The following NPR3 variants were observed in gnomAD, a reference collection of about 807,000 sequenced individuals.
The protein encoded by NPR3 is natriuretic peptide receptor 3.
Under a neutral mutation model 54.5 loss-of-function variants are expected in NPR3, and 34 were observed. The ratio of observed to expected loss-of-function variants is 0.62; its 90% CI spans 0.47 to 0.83. The LOEUF (loss-of-function observed/expected upper bound fraction) is 0.83. NPR3 is among the 40% of genes least tolerant of loss of function. The probability of loss-of-function intolerance (pLI) is 0.00; values close to 1 mark genes in which losing one functional copy is unlikely to be tolerated. For missense variants in NPR3, 674 were observed against 720.8 expected, an observed-to-expected ratio of 0.94 and a Z score of 0.74; for synonymous variants, 289 against 297.1, an observed-to-expected ratio of 0.97 and a Z score of 0.28.
chr5:32,768,416 T>C (rs551511499), intron 3 of NPR3, among the ~76,000 whole-genome samples: 17 of 152,366 alleles, frequency 1.1e-4, no homozygotes, highest in African/African-American at 4.1e-4. Flanking sequence ...CCATATTCCC[T>C]GCATGAGCCT....
intron 3 of NPR3, among the ~76,000 whole-genome samples, chr5:32,772,869 G>A (rs1374947478): frequency 6.6e-6 from 1 of 152,144 alleles, no homozygotes; most frequent in African/African-American, 2.4e-5. Flanking sequence ...CAACTAGGAA[G>A]TGGCAGAACT....
At chr5:32,781,513 G>A (rs902670024) in intron 5 of NPR3, among the ~76,000 whole-genome samples, 23 of 152,320 alleles carry the variant, frequency 1.5e-4, no homozygotes, top group African/African-American at 5.3e-4. Flanking sequence ...TGGCATATGG[G>A]ACTTGCTGTT....
chr5:32,737,696 C>G lies in NPR3; in HGVS notation c.893-1168C>G, dbSNP rs987874741. 1.2e-4 allele frequency among the ~76,000 whole-genome samples: 19 copies of G among 152,198 alleles called. 1 individual carries two copies. Among genetic ancestry groups the G allele is most frequent in the African/African-American group, 4.1e-4 (17 of 41,520 alleles). ...ACCTTGCCTTTTGGGGCCCTGTAAG[C>G]CACGTTTTCTTGAAAATAAAATAAC... On this transcript the variant is annotated intron_variant, in intron 2 of 7. Coordinates refer to ENST00000265074, the MANE Select transcript of NPR3 (RefSeq NM_001204375.2).
intron 3 of NPR3, among the ~76,000 whole-genome samples, chr5:32,748,908 C>T (rs1561107211): frequency 6.6e-6 from 1 of 152,144 alleles, no homozygotes; most frequent in Non-Finnish European, 1.5e-5. Flanking sequence ...TTTTCCAACT[C>T]TTCTTTTTTC....
intron 1 of NPR3, among the ~76,000 whole-genome samples, chr5:32,724,386 T>G (rs923423723): frequency 6.6e-6 from 1 of 152,084 alleles, no homozygotes; most frequent in Non-Finnish European, 1.5e-5. Flanking sequence ...ATCCCCCAAG[T>G]TGGGTTTGTG....
chr5:32,732,104 G>A (rs186926386), intron 2 of NPR3, among the ~76,000 whole-genome samples: 2,029 of 151,906 alleles, frequency 0.013, 43 homozygotes, highest in African/African-American at 0.045. Context: ...AGCCGGGCAC[G>A]GTGGCGGGCG....
At chr5:32,765,451 C>T (rs1167862500) in intron 3 of NPR3, among the ~76,000 whole-genome samples, 4 of 152,132 alleles carry the variant, frequency 2.6e-5, no homozygotes, top group Non-Finnish European at 5.9e-5. Context: ...GGGATGATGG[C>T]ATGCTATGGG....
At position 32,791,158 on chromosome 5, in the gene NPR3, T is replaced by G. The variant is rs1742888485; in HGVS notation, c.*4813T>G. ...CCAAGATCTGAAAATCTTCAACATC[T>G]TATAAGACAACAATGAAGTAGCCCC... On this transcript the variant is annotated 3_prime_UTR_variant, in exon 8 of 8. Coordinates refer to ENST00000265074, the MANE Select transcript of NPR3 (RefSeq NM_001204375.2). The G allele has an allele frequency of 6.0e-6, 1 of 167,106 alleles. No individual in the cohort carries two copies. The highest frequency in any genetic ancestry group is 1.5e-5 in the Non-Finnish European group (1 of 68,122). The allele number at this position is 167,106 out of a possible 1,614,324, so 10.4% of individuals were successfully genotyped here.
At position 32,712,477 on chromosome 5, in the gene NPR3, A is replaced by G. The variant is rs984872719; in HGVS notation, c.701A>G (p.Tyr234Cys). 2 of 1,587,894 alleles carry G rather than the reference A, an allele frequency of 1.3e-6. No individual in the cohort carries two copies. The highest frequency in any genetic ancestry group is 2.3e-5 in the South Asian group (2 of 87,726). Residue 234 changes from tyrosine (Y) to cysteine (C), a missense_variant, in exon 1 of 8, where the codon TAC becomes TGC. Coordinates refer to ENST00000265074, the MANE Select transcript of NPR3 (RefSeq NM_001204375.2). ...GAGGAGGGTTTGCACACGTCCATCT[A>G]CAGTTTCGACGAGACCAAAGACTTG... The part of the protein sequence containing the change: ...FQEEGLHTSI[Y>C]SFDETKDLDL...
chr5:32,726,005 A>T (rs779791369), intron 2 of NPR3, among the ~76,000 whole-genome samples: 94 of 152,290 alleles, frequency 6.2e-4, no homozygotes, highest in Non-Finnish European at 5.7e-4. Flanking sequence ...GATAACAGGT[A>T]CAAGACATTT....
chr5:32,696,229 T>C (rs1740529516), intron 1 of NPR3, among the ~76,000 whole-genome samples: 4 of 152,208 alleles, frequency 2.6e-5, no homozygotes, highest in Admixed American at 2.6e-4. Context: ...TATCCAGTTT[T>C]CCCAGCACCA....
chr5:32,711,836 G>A lies in NPR3; in HGVS notation c.60G>A (p.Leu20=), dbSNP rs1419704914. The change falls in exon 1 of 8, where the codon CTG becomes CTA. Residue 20 remains leucine (L), a synonymous_variant. Transcript: ENST00000265074. ...GCGTACTACTCGGCTGGGCGTTGCT[G>A]GCCGGCGGCACCGGTGGCGGTGGCG... ...SPCVLLGWAL[L]AGGTGGGGVG... is the part of the protein sequence containing the mutation. 6.8e-7 allele frequency: 1 copy of A among 1,460,698 alleles called. No individual in the cohort carries two copies. The highest frequency in any genetic ancestry group is 1.5e-5 in the South Asian group (1 of 68,024). 90.5% of individuals were successfully genotyped at this position (1,460,698 alleles called of 1,614,324 possible).
intron 2 of NPR3, among the ~76,000 whole-genome samples, chr5:32,735,310 T>G (rs1739671274): frequency 6.6e-6 from 1 of 152,126 alleles, no homozygotes; most frequent in Admixed American, 6.5e-5. Flanking sequence ...CTCTTTGGCG[T>G]CATCTGTGAC....
chr5:32,692,875 C>T (rs1740428474), intron 1 of NPR3, among the ~76,000 whole-genome samples: 1 of 152,148 alleles, frequency 6.6e-6, no homozygotes, highest in South Asian at 2.1e-4. Context: ...AATCCTAGCA[C>T]TTTGGAAGGC....
At chr5:32,726,184 C>T (rs1739128413) in intron 2 of NPR3, among the ~76,000 whole-genome samples, 1 of 152,196 alleles carries the variant, frequency 6.6e-6, no homozygotes, top group South Asian at 2.1e-4. Context: ...CCAGTTCTTG[C>T]TGATGAGATA....
intron 3 of NPR3, among the ~76,000 whole-genome samples, chr5:32,773,811 C>T (rs1217276057): frequency 6.6e-6 from 1 of 152,182 alleles, no homozygotes; most frequent in African/African-American, 2.4e-5. Flanking sequence ...TTGATATGTG[C>T]CAGGCATGAT....
intron 3 of NPR3, among the ~76,000 whole-genome samples, chr5:32,755,006 G>T (rs907057584): frequency 1.3e-5 from 2 of 152,080 alleles, no homozygotes; most frequent in African/African-American, 2.4e-5. Context: ...GACTACAGGC[G>T]CCCGCCACCA....
At chr5:32,747,912 C>G (rs540363367) in intron 3 of NPR3, among the ~76,000 whole-genome samples, 142 of 152,070 alleles carry the variant, frequency 9.3e-4, no homozygotes, top group Admixed American at 2.4e-3. Flanking sequence ...TGCTTCCATG[C>G]CCAGCTTATT....
chr5:32,692,504 C>T (rs1740418529), intron 1 of NPR3, among the ~76,000 whole-genome samples: 2 of 152,190 alleles, frequency 1.3e-5, no homozygotes, highest in Non-Finnish European at 2.9e-5. Context: ...ATGAAATAAA[C>T]TTCTCCACTA....
Sources: allele counts gnomAD v4.1 joint callset (sites outside exome capture counted in the v4.1 genomes callset), GRCh38; gene constraint gnomAD v4.1.1; transcripts MANE v1.5; gene names NCBI Gene and HGNC (gene_info 2026-07-23, HGNC 2026-07-21).